The following BAIAP3 variants were observed in gnomAD, a reference collection of about 807,000 sequenced individuals.
BAIAP3 encodes the protein BAI1 associated protein 3.
A neutral mutation model predicts 149.7 loss-of-function variants in BAIAP3; 180 were observed. The observed-to-expected ratio is 1.20, with a 90% CI of 1.07 to 1.36. The LOEUF is 1.36. BAIAP3 is among the 40% of genes most tolerant of loss of function. The pLI, the probability that BAIAP3 is intolerant of heterozygous loss-of-function variation, is 0.00. For synonymous variants in BAIAP3, 845 were observed against 670.7 expected (o/e 1.26, Z -4.02); for missense variants, 1,767 against 1,563.4 (o/e 1.13, Z -2.20).
intron 1 of BAIAP3, 67 bp from the exon 2 acceptor site, chr16:1,338,473 C>CCCCCGGGGGGGGGGGGGGGGGG: frequency 9.2e-7 from 1 of 1,091,546 alleles, no homozygotes; most frequent in South Asian, 3.1e-5. Flanking sequence ...CCCACCCCCC[C>CCCCCGGGGGGGGGGGGGGGGGG]GCCTGCTGTG....
chr16:1,337,051 C>T (rs967416679), intron 1 of BAIAP3, among the ~76,000 whole-genome samples: 3 of 152,184 alleles, frequency 2.0e-5, no homozygotes, highest in Non-Finnish European at 2.9e-5. Context: ...TTCCATGGAG[C>T]GGGGAGGAGA....
At position 1,345,852 on chromosome 16, in the gene BAIAP3, C is replaced by T; in HGVS notation, c.2170C>T (p.Pro724Ser). 1.9e-6 allele frequency: 3 copies of T among 1,579,894 alleles called. No individual in the cohort carries two copies. The South Asian group carries it at 3.5e-5, about 18-fold the overall frequency. The change falls in exon 23 of 34, where the codon CCT (proline) becomes TCT (serine). Residue 724 changes from proline to serine, a missense_variant. Physicochemically the swap from Pro to Ser is moderately conservative, Grantham distance 74 (BLOSUM62 -1). Transcript: ENST00000426824. ...GTGGGTGCGCCTGGCGTGGCCTGAC[C>T]CTGCCCAGGCTCAGGGGCTGGGCAC... ...ELWVRLAWPD[P>S]AQAQGLGTQL...
Position 1,348,076 on chromosome 16 carries a change from C to CCT in BAIAP3, c.3150-20_3150-19insCT, listed in dbSNP as rs34766513. On this transcript the variant is annotated intron_variant, in intron 32 of 33. Coordinates refer to ENST00000426824, the MANE Select transcript of BAIAP3 (RefSeq NM_001199097.2). ...CTCCAGGCTGCCGGAGCGAGACTCC[C>CCT]GACTGGCCTCTGTCCGCAGTTCCGT... 0.89 allele frequency: 1,427,528 copies of CCT among 1,601,474 alleles called. 637,021 individuals carry two copies. The highest frequency in any genetic ancestry group is 1 in the East Asian group (44,816 of 44,834).
In BAIAP3 at chr16:1,348,261, G is replaced by T. The variant is rs115397441; in HGVS notation, c.3315G>T (p.Gly1105=). ...AGGTGGGCGGGGGTGCAAGGGCTGG[G>T]CAGCCTGTCACCCTGCACCTGTGCC... The part of the protein sequence containing the change: ...RPQVGGGARA[G]QPVTLHLCRP... Residue 1105 remains glycine (G), a synonymous_variant, in exon 33 of 34, where the codon GGG becomes GGT. Coordinates refer to ENST00000426824, the MANE Select transcript of BAIAP3 (RefSeq NM_001199097.2). 2.3e-4 allele frequency: 371 copies of T among 1,602,580 alleles called. 1 individual carries two copies. Among genetic ancestry groups the T allele is most frequent in the African/African-American group, 2.2e-3 (168 of 74,928 alleles).
intron 22 of BAIAP3, 57 bp from the exon 23 acceptor site, chr16:1,345,690 C>T: frequency 2.0e-6 from 2 of 997,448 alleles, no homozygotes; most frequent in East Asian, 2.8e-5. Context: ...CCCGCCTCCC[C>T]CACCTCCCCA....
Position 1,347,587 on chromosome 16 carries a change from G to C in BAIAP3, c.2866G>C (p.Glu956Gln), listed in dbSNP as rs777542651. The C allele has an allele frequency of 5.0e-6, 8 of 1,612,874 alleles. No homozygotes were observed. The highest frequency in any genetic ancestry group is 5.9e-6 in the Non-Finnish European group (7 of 1,179,918). Residue 956 changes from glutamate to glutamine, a missense_variant, in exon 30 of 34, where the codon GAG (glutamate) becomes CAG (glutamine). Coordinates refer to ENST00000426824, the MANE Select transcript of BAIAP3 (RefSeq NM_001199097.2). ...GCGGCTGCACAAATGTTCCACCCGC[G>C]AGTGCATCGAGCAGTTCTACCTGGA... ...ELRLHKCSTRECIEQFYLDKL... is the reference protein window; with the variant it reads ...ELRLHKCSTRQCIEQFYLDKL...
intron 28 of BAIAP3, 32 bp downstream of exon 28, chr16:1,346,987 GCC>G (rs1301132184): frequency 1.3e-6 from 2 of 1,558,614 alleles, no homozygotes; most frequent in Non-Finnish European, 1.7e-6. Context: ...CTCCCCGCCG[GCC>G]CCCGCCTCAG....
At chr16:1,339,975 C>T (rs1363389380) in intron 5 of BAIAP3, among the ~76,000 whole-genome samples, 2 of 144,746 alleles carry the variant, frequency 1.4e-5, no homozygotes, top group Admixed American at 1.3e-4. Flanking sequence ...CACGCACACA[C>T]ACAGGCTGCA....
chr16:1,346,459 C>T lies in BAIAP3; in HGVS notation c.2511C>T (p.Arg837=), dbSNP rs1286357169. ...GCCCTCAGATGGTGGGCGACATCCG[C>T]AAGTATGTACAGCACATCAGTCTCT... ...HLTSKMVGDI[R]KYVQHISLSP... The change falls in exon 26 of 34, where the codon CGC becomes CGT. Residue 837 remains arginine (R), a synonymous_variant. Coordinates refer to ENST00000426824, the MANE Select transcript of BAIAP3 (RefSeq NM_001199097.2). The T allele has an allele frequency of 3.7e-6, 6 of 1,612,382 alleles. No individual in the cohort carries two copies. The highest frequency in any genetic ancestry group is 4.2e-6 in the Non-Finnish European group (5 of 1,179,752).
Position 1,344,037 on chromosome 16 carries a change from G to A in BAIAP3, c.1402G>A (p.Asp468Asn). The A allele has an allele frequency of 1.2e-6, 2 of 1,612,434 alleles. No individual in the cohort carries two copies. Among genetic ancestry groups the A allele is most frequent in the Non-Finnish European group, 1.7e-6 (2 of 1,179,898 alleles). ...GTCCCCACAGGAGGAGAGCCTGGCTGATAGCCTTTCCGCCTTCTCTGAGTT... is the reference window on the plus strand; with the variant it reads ...GTCCCCACAGGAGGAGAGCCTGGCTAATAGCCTTTCCGCCTTCTCTGAGTT... ...LPQEQEESLA[D>N]SLSAFSEFGL... Residue 468 changes from aspartate (D) to asparagine (N), a missense_variant, in exon 16 of 34, where the codon GAT (aspartate) becomes AAT (asparagine). Asp to Asn is a conservative substitution (Grantham distance 23). Coordinates refer to ENST00000426824, the MANE Select transcript of BAIAP3 (RefSeq NM_001199097.2).
In BAIAP3 at chr16:1,344,525, G is replaced by A. The variant is rs1319095955; in HGVS notation, c.1659G>A (p.Gln553=). 4.3e-6 allele frequency: 7 copies of A among 1,612,890 alleles called. No individual in the cohort carries two copies. The highest frequency in any genetic ancestry group is 4.0e-5 in the African/African-American group (3 of 74,926). Residue 553 remains glutamine, a splice_region_variant and synonymous_variant, in exon 18 of 34, where the codon CAG becomes CAA. Transcript: ENST00000426824. ...TGAATGACAAGAGTCCCCGAGAGCA[G>A]GTGCAGTTGTGGGGGACCCTGGCCA... ...RILNDKSPRE[Q]PGPQRLPGLV... is the part of the protein sequence containing the mutation.
intron 15 of BAIAP3, among the ~76,000 whole-genome samples, chr16:1,343,738 A>G (rs369219732): frequency 2.0e-5 from 3 of 152,222 alleles, no homozygotes; most frequent in African/African-American, 7.2e-5. Flanking sequence ...GGGCTGGGGA[A>G]AGCCGCCAAG....
chr16:1,346,576 A>AAGCCT, intron 26 of BAIAP3, 29 bp from the exon 27 acceptor site: 2 of 1,566,838 alleles, frequency 1.3e-6, no homozygotes, highest in Non-Finnish European at 1.7e-6. Context: ...GGTGCGGGGT[A>AAGCCT]AGCCTGGCCT....
At position 1,343,542 on chromosome 16, in the gene BAIAP3, C is replaced by T. The variant is rs371151567; in HGVS notation, c.1386+29C>T. 1.7e-4 allele frequency: 271 copies of T among 1,602,362 alleles called. 1 individual carries two copies. In the African/African-American group the frequency reaches 3.3e-3, roughly 19 times the overall value. ...GGTGCAGCCGGGACCTTCTTGCCAG[C>T]CATGGCGAAGGGAGTGCTGGGGACT... On this transcript the variant is annotated intron_variant, in intron 15 of 33. Coordinates refer to ENST00000426824, the MANE Select transcript of BAIAP3 (RefSeq NM_001199097.2).
In BAIAP3 at chr16:1,348,871, A is replaced by G. The variant is rs2034571477; in HGVS notation, c.*389A>G. ...GGCTGTGCTCTCTGCACAACGGGCAATGTGCAGACGCATTTTTGGTAATCA... is the reference window on the plus strand; with the variant it reads ...GGCTGTGCTCTCTGCACAACGGGCAGTGTGCAGACGCATTTTTGGTAATCA... On this transcript the variant is annotated 3_prime_UTR_variant, in exon 34 of 34. Transcript: ENST00000426824. 3.1e-6 allele frequency: 1 copy of G among 327,390 alleles called. No homozygotes were observed. 20.3% of individuals were successfully genotyped at this position (327,390 alleles called of 1,614,324 possible). A position where few individuals can be genotyped will look rare whatever the true frequency, so the allele number is the denominator to read the frequency against.
At chr16:1,338,820 G>A in intron 2 of BAIAP3, 82 bp from the exon 3 acceptor site, 3 of 1,591,740 alleles carry the variant, frequency 1.9e-6, no homozygotes, top group African/African-American at 1.3e-5. Flanking sequence ...ATGTCACATG[G>A]CCCTTCCTGC....
intron 5 of BAIAP3, among the ~76,000 whole-genome samples, chr16:1,340,702 C>T (rs534921630): frequency 7.9e-5 from 12 of 152,378 alleles, no homozygotes; most frequent in Non-Finnish European, 1.2e-4. Flanking sequence ...CCCATTCCCA[C>T]GCATGCACTT....
rs761431017 is a variant in BAIAP3 at position 1,344,581 on chromosome 16, C to T, written c.1660-20C>T. 26 of 1,612,500 alleles carry T rather than the reference C, an allele frequency of 1.6e-5. No homozygotes were observed. In the Admixed American group the frequency reaches 1.7e-4, roughly 10 times the overall value. ...GGTACGGGCAGCCGAGAGGTGGGTA[C>T]GAGCTAGGCTTCCTTGCAGCCAGGA... On this transcript the variant is annotated intron_variant, in intron 18 of 33. Coordinates refer to ENST00000426824, the MANE Select transcript of BAIAP3 (RefSeq NM_001199097.2).
chr16:1,342,011 G>A lies in BAIAP3; in HGVS notation c.802G>A (p.Val268Ile), dbSNP rs753640081. The change falls in exon 10 of 34, where the codon GTA becomes ATA. Residue 268 changes from valine (V) to isoleucine (I), a missense_variant. Transcript: ENST00000426824. ...GGATCATGACGACGATGTATCCCTG[G>A]TAGAAGCGTGCAGGAAGCTGAATGA... ...IWDHDDDVSL[V>I]EACRKLNEVI... The A allele has an allele frequency of 6.2e-7, 1 of 1,606,242 alleles. No homozygotes were observed. Among genetic ancestry groups the A allele is most frequent in the South Asian group, 1.1e-5 (1 of 90,068 alleles).
Sources: allele counts gnomAD v4.1 joint callset (sites outside exome capture counted in the v4.1 genomes callset), GRCh38; gene constraint gnomAD v4.1.1; transcripts MANE v1.5; gene names NCBI Gene and HGNC (gene_info 2026-07-23, HGNC 2026-07-21).